Variants in TBL1XR1 observed in about 807,000 individuals in gnomAD.
TBL1XR1 encodes F-box-like/WD repeat-containing protein TBL1XR1.
In TBL1XR1, 5 loss-of-function variants were observed where a neutral mutation model predicts 66.9. That is an observed-to-expected ratio of 0.07 (90% CI 0.04 to 0.16). The LOEUF (loss-of-function observed/expected upper bound fraction) is 0.16, where lower values mean the gene tolerates loss of function less well. Among genes scored for constraint, TBL1XR1 ranks in the 10% least tolerant of loss-of-function variants. TBL1XR1 has a pLI of 1.00. For missense variants in TBL1XR1, 238 were observed against 623.2 expected (o/e 0.38, Z 6.58); for synonymous variants, 210 against 206.0 (o/e 1.02, Z -0.17).
upstream of TBL1XR1, among the ~76,000 whole-genome samples, chr3:177,200,055 C>T (rs1338376932): frequency 1.3e-5 from 2 of 152,118 alleles, no homozygotes; most frequent in Admixed American, 1.3e-4. Context: ...TCACTGCAAC[C>T]TCTGCCTCCC....
chr3:177,185,066 C>T (rs1384204884), intron 1 of TBL1XR1, among the ~76,000 whole-genome samples: 1 of 152,046 alleles, frequency 6.6e-6, no homozygotes, highest in African/African-American at 2.4e-5. Context: ...CCACATGCCT[C>T]GATTTTTCAA....
chr3:177,060,475 T>C (rs577427458), intron 3 of TBL1XR1, among the ~76,000 whole-genome samples: 2 of 152,170 alleles, frequency 1.3e-5, no homozygotes, highest in Non-Finnish European at 2.9e-5. Context: ...ACAATATAAA[T>C]GGAGAAGTTA....
chr3:177,098,893 G>A (rs1241422024), intron 1 of TBL1XR1, among the ~76,000 whole-genome samples: 1 of 151,942 alleles, frequency 6.6e-6, no homozygotes, highest in African/African-American at 2.4e-5. Flanking sequence ...CACCAAGAAT[G>A]GCATAAACTT....
At chr3:177,160,995 C>T (rs995458698) in intron 1 of TBL1XR1, 14 of 93,260 alleles carry the variant, frequency 1.5e-4, no homozygotes, top group African/African-American at 5.8e-4. Flanking sequence ...AACTCTGTCT[C>T]AAAAAAAAAA....
chr3:177,163,871 T>C (rs1028092125), intron 1 of TBL1XR1: 2 of 152,190 alleles, frequency 1.3e-5, no homozygotes, highest in African/African-American at 4.8e-5. Flanking sequence ...GATATACACA[T>C]AAATACGCAA....
rs1397091737 is a variant in TBL1XR1, at chr3:177,022,713, A to C, written c.*2785T>G. On this transcript the variant is annotated 3_prime_UTR_variant, in exon 16 of 16. Coordinates refer to ENST00000457928, the MANE Select transcript of TBL1XR1 (RefSeq NM_024665.7). ...AGGCGGAAAAATAAGCAAGAATCCC[A>C]AATACAGAACTTTACAAGCTGTGAA... 1.3e-5 allele frequency: 2 copies of C among 152,552 alleles called. No individual in the cohort carries two copies. Among genetic ancestry groups the C allele is most frequent in the African/African-American group, 2.4e-5 (1 of 41,458 alleles). The allele number at this position is 152,552 out of a possible 1,614,324, so 9.4% of individuals were successfully genotyped here.
chr3:177,054,182 T>C (rs370933536), intron 3 of TBL1XR1, among the ~76,000 whole-genome samples: 1 of 152,162 alleles, frequency 6.6e-6, no homozygotes, highest in Non-Finnish European at 1.5e-5. Flanking sequence ...AGCTTCAAAT[T>C]TTCTAAAATG....
chr3:177,179,104 C>T (rs541655973), intron 1 of TBL1XR1, among the ~76,000 whole-genome samples: 4 of 119,442 alleles, frequency 3.3e-5, no homozygotes, highest in East Asian at 2.3e-4. Context: ...GCAACAAGAG[C>T]GAAACTACGT....
At chr3:177,167,830 G>C (rs943604780) in intron 1 of TBL1XR1, among the ~76,000 whole-genome samples, 29 of 152,130 alleles carry the variant, frequency 1.9e-4, no homozygotes, top group Admixed American at 6.5e-4. Flanking sequence ...AGCTACTCGG[G>C]AGGCTGAGAC....
chr3:177,142,731 C>A (rs1002051671), intron 1 of TBL1XR1, among the ~76,000 whole-genome samples: 4 of 152,038 alleles, frequency 2.6e-5, no homozygotes, highest in African/African-American at 9.7e-5. Flanking sequence ...AATAAATTTA[C>A]AATAATAAAT....
chr3:177,050,094 C>A lies in TBL1XR1; in HGVS notation c.605G>T (p.Ser202Ile). Reference protein sequence around the residue: ...TARIWNLSENSTSGSTQLVLR... With the variant: ...TARIWNLSENITSGSTQLVLR... ...TACTAACTGTGTAGAGCCACTGGTG[C>A]TGTTCTCACTAAGATTCCATATTCT... The change falls in exon 7 of 16, where the codon AGC (serine) becomes ATC (isoleucine). Residue 202 changes from serine (S) to isoleucine (I), a missense_variant. This residue lies in a region of TBL1XR1 where 26 missense variants were observed against 103.7 expected (regional missense o/e 0.25). Transcript: ENST00000457928. The A allele has an allele frequency of 6.2e-7, 1 of 1,613,648 alleles. No individual in the cohort carries two copies. Among genetic ancestry groups the A allele is most frequent in the Non-Finnish European group, 8.5e-7 (1 of 1,179,768 alleles).
chr3:177,109,830 G>A (rs1171786717), intron 1 of TBL1XR1, among the ~76,000 whole-genome samples: 18 of 151,976 alleles, frequency 1.2e-4, no homozygotes, highest in Admixed American at 5.9e-4. Flanking sequence ...GATGGTCAGA[G>A]CCAGAGTTGG....
intron 3 of TBL1XR1, 59 bp downstream of exon 3, chr3:177,064,861 A>G (rs1718955683): frequency 2.5e-5 from 30 of 1,177,092 alleles, no homozygotes; most frequent in Non-Finnish European, 3.1e-5. Context: ...AATGCATAAA[A>G]GATTATTTTG....
intron 2 of TBL1XR1, among the ~76,000 whole-genome samples, chr3:177,085,919 G>A (rs1165595261): frequency 6.6e-6 from 1 of 152,130 alleles, no homozygotes; most frequent in East Asian, 1.9e-4. Flanking sequence ...GAGTGCAAAT[G>A]AGATAATGGT....
chr3:177,100,733 T>G (rs1368454683), intron 1 of TBL1XR1, among the ~76,000 whole-genome samples: 1 of 152,074 alleles, frequency 6.6e-6, no homozygotes, highest in African/African-American at 2.4e-5. Flanking sequence ...CCAAATAATC[T>G]ACATTTCAAA....
At chr3:177,111,704 G>C (rs990291250) in intron 1 of TBL1XR1, among the ~76,000 whole-genome samples, 3 of 152,148 alleles carry the variant, frequency 2.0e-5, no homozygotes, top group African/African-American at 7.2e-5. Context: ...ACCAGGTGCA[G>C]TTCACGTGTC....
chr3:177,035,178 A>C (rs1174300594), intron 12 of TBL1XR1, among the ~76,000 whole-genome samples: 2 of 152,322 alleles, frequency 1.3e-5, no homozygotes, highest in Non-Finnish European at 2.9e-5. Context: ...AACTGATTTC[A>C]TTAGACCTTT....
At chr3:177,080,248 C>G (rs1181465073) in intron 2 of TBL1XR1, among the ~76,000 whole-genome samples, 5 of 152,180 alleles carry the variant, frequency 3.3e-5, no homozygotes, top group Admixed American at 6.5e-5. Flanking sequence ...GTAACATTAT[C>G]AGGCTTTATC....
chr3:177,065,966 G>A (rs1719107314), intron 2 of TBL1XR1, among the ~76,000 whole-genome samples: 1 of 152,002 alleles, frequency 6.6e-6, no homozygotes, highest in African/African-American at 2.4e-5. Context: ...TTATAAAAAT[G>A]TAAAGACCTT....
Sources: allele counts gnomAD v4.1 joint callset (sites outside exome capture counted in the v4.1 genomes callset), GRCh38; gene constraint gnomAD v4.1.1; regional missense constraint gnomAD v4.1.1; transcripts MANE v1.5; gene names NCBI Gene and HGNC (gene_info 2026-07-23, HGNC 2026-07-21).